The following GABRA2 variants were observed in gnomAD, a reference collection of about 807,000 sequenced individuals.
GABRA2 encodes the protein gamma-aminobutyric acid receptor subunit alpha-2.
In GABRA2, 16 loss-of-function variants were observed where a neutral mutation model predicts 48.7. That is an observed-to-expected ratio of 0.33 (90% confidence interval 0.22 to 0.50). The LOEUF (loss-of-function observed/expected upper bound fraction) is 0.50, where lower values mean the gene tolerates loss of function less well. Ranked by LOEUF, GABRA2 falls within the 20% of genes least tolerant of loss-of-function variation. GABRA2 has a pLI of 0.98. For synonymous variants in GABRA2, 185 were observed against 184.5 expected (o/e 1.00, Z -0.02); for missense variants, 275 against 535.6 (o/e 0.51, Z 4.80).
At chr4:46,275,508 T>G (rs1408160426) in intron 8 of GABRA2, among the ~76,000 whole-genome samples, 2 of 152,110 alleles carry the variant, frequency 1.3e-5, no homozygotes, top group Admixed American at 1.3e-4. Flanking sequence ...CCTGTGCCCC[T>G]CTATAGAAGA....
chr4:46,272,974 C>A (rs1719636396), intron 8 of GABRA2, among the ~76,000 whole-genome samples: 2 of 151,884 alleles, frequency 1.3e-5, no homozygotes, highest in African/African-American at 4.8e-5. Flanking sequence ...TGTACACATG[C>A]CATGGTGGTT....
chr4:46,251,731 G>A (rs1352676432), intron 9 of GABRA2, among the ~76,000 whole-genome samples: 1 of 151,394 alleles, frequency 6.6e-6, no homozygotes, highest in Non-Finnish European at 1.5e-5. Context: ...TTCAAAATGT[G>A]TTATTTCTTA....
chr4:46,372,424 C>T (rs1715042317), intron 3 of GABRA2, among the ~76,000 whole-genome samples: 1 of 152,102 alleles, frequency 6.6e-6, no homozygotes, highest in African/African-American at 2.4e-5. Flanking sequence ...GTTGGAGCTG[C>T]AGTAGCCATC....
chr4:46,390,212 C>A (rs868251272), upstream of GABRA2: 1,142 of 128,670 alleles, frequency 8.9e-3, 18 homozygotes, highest in African/African-American at 0.017. Context: ...TCCCCCCCCC[C>A]CACACACACA....
At chr4:46,282,214 C>T (rs1721662143) in intron 8 of GABRA2, among the ~76,000 whole-genome samples, 1 of 152,096 alleles carries the variant, frequency 6.6e-6, no homozygotes, top group Non-Finnish European at 1.5e-5. Context: ...ATTCCTCTTC[C>T]CTCTTCAGGG....
At chr4:46,351,889 A>G (rs1342974645) in intron 3 of GABRA2, among the ~76,000 whole-genome samples, 1 of 151,812 alleles carries the variant, frequency 6.6e-6, no homozygotes, top group Non-Finnish European at 1.5e-5. Flanking sequence ...CCTACCCTAA[A>G]TTCAGTTGTC....
At chr4:46,325,843 A>T (rs1730271409) in intron 4 of GABRA2, among the ~76,000 whole-genome samples, 3 of 151,960 alleles carry the variant, frequency 2.0e-5, no homozygotes, top group Admixed American at 2.0e-4. Context: ...TCCTTACCCC[A>T]CTGCTTGTTT....
chr4:46,297,077 C>T (rs1406641540), intron 8 of GABRA2, among the ~76,000 whole-genome samples: 4 of 151,964 alleles, frequency 2.6e-5, no homozygotes, highest in East Asian at 3.9e-4. Flanking sequence ...AGTTGACAAA[C>T]GGTGGACTTG....
chr4:46,324,993 T>C (rs2109771689), intron 4 of GABRA2, among the ~76,000 whole-genome samples: 1 of 152,078 alleles, frequency 6.6e-6, no homozygotes, highest in East Asian at 1.9e-4. Context: ...GTTGATTCCA[T>C]GTCTTTTCTA....
chr4:46,262,256 A>G, intron 8 of GABRA2, 128 bp from the exon 9 acceptor site: 1 of 590,332 alleles, frequency 1.7e-6, no homozygotes, highest in Non-Finnish European at 3.0e-6. Flanking sequence ...AATAATAAAT[A>G]AATGAATAAA....
chr4:46,389,305 G>A (rs1172165938), intron 1 of GABRA2: 2 of 985,204 alleles, frequency 2.0e-6, no homozygotes, highest in Non-Finnish European at 2.4e-6. Context: ...TTCCCTTCCT[G>A]CCCACCCACG....
At chr4:46,305,529 T>A in intron 7 of GABRA2, 39 bp downstream of exon 7, 1 of 1,590,864 alleles carries the variant, frequency 6.3e-7, no homozygotes. Context: ...CTATTAATAT[T>A]CTTAGGCACC....
At chr4:46,323,191 G>T (rs1393114433) in intron 4 of GABRA2, among the ~76,000 whole-genome samples, 1 of 151,848 alleles carries the variant, frequency 6.6e-6, no homozygotes, top group African/African-American at 2.4e-5. Context: ...TTTTTACGGG[G>T]TCACTATGGT....
chr4:46,281,497 T>C (rs150703324), intron 8 of GABRA2, among the ~76,000 whole-genome samples: 1 of 152,152 alleles, frequency 6.6e-6, no homozygotes, highest in Non-Finnish European at 1.5e-5. Flanking sequence ...AGTGTGGTTA[T>C]CCTAGAAAGA....
At chr4:46,274,856 G>C (rs1411373411) in intron 8 of GABRA2, among the ~76,000 whole-genome samples, 2 of 151,916 alleles carry the variant, frequency 1.3e-5, no homozygotes, top group Non-Finnish European at 2.9e-5. Flanking sequence ...ATTTCTAATT[G>C]GGGGTCTACA....
chr4:46,345,935 T>C (rs914799942), intron 3 of GABRA2, among the ~76,000 whole-genome samples: 2 of 151,980 alleles, frequency 1.3e-5, no homozygotes, highest in African/African-American at 2.4e-5. Flanking sequence ...GAATGTACAA[T>C]GCTGAGAGTA....
At chr4:46,302,667 T>C (rs1357410511) in intron 8 of GABRA2, 1 of 152,180 alleles carries the variant, frequency 6.6e-6, no homozygotes, top group Non-Finnish European at 1.5e-5. Flanking sequence ...ATTCTCCTTA[T>C]AGGGGGCTCC....
At chr4:46,251,959 C>A (rs369300504) in intron 9 of GABRA2, among the ~76,000 whole-genome samples, 2 of 151,484 alleles carry the variant, frequency 1.3e-5, no homozygotes, top group East Asian at 2.0e-4. Context: ...TTTTTGGTTA[C>A]TTGAATACAA....
chr4:46,259,411 A>C (rs1716504531), intron 9 of GABRA2, among the ~76,000 whole-genome samples: 1 of 151,896 alleles, frequency 6.6e-6, no homozygotes, highest in African/African-American at 2.4e-5. Context: ...AAGCTCACAG[A>C]GCAAGGTAGC....
Sources: allele counts gnomAD v4.1 joint callset (sites outside exome capture counted in the v4.1 genomes callset), GRCh38; gene constraint gnomAD v4.1.1; transcripts MANE v1.5; gene names NCBI Gene and HGNC (gene_info 2026-07-23, HGNC 2026-07-21).